SYNPO: variants seen among roughly 807,000 people sequenced by gnomAD.
SYNPO encodes the protein synaptopodin.
Under a neutral mutation model 49.5 loss-of-function variants are expected in SYNPO, and 19 were observed. That is an observed-to-expected ratio of 0.38 (90% CI 0.27 to 0.56). The LOEUF (loss-of-function observed/expected upper bound fraction) is 0.56, where lower values mean the gene tolerates loss of function less well. SYNPO is among the 20% of genes least tolerant of loss of function. The pLI is 0.68. For missense variants in SYNPO, 1,131 were observed against 1,248.3 expected, an observed-to-expected ratio of 0.91 and a Z score of 1.42; for synonymous variants, 536 against 548.0, an observed-to-expected ratio of 0.98 and a Z score of 0.31.
the SYNPO span, among the ~76,000 whole-genome samples, chr5:150,590,464 G>T: frequency 6.6e-6 from 1 of 152,212 alleles, no homozygotes; most frequent in African/African-American, 2.4e-5. Flanking sequence ...GTGATCAGAC[G>T]CTGGGTGAGA....
rs1228061581 is a variant in SYNPO at position 150,648,464 on chromosome 5, C to T, written c.189C>T (p.His63=). The part of the protein sequence containing the change: ...SSPAPPPAEV[H]SPAADVNQNL... Reference sequence around the variant, plus strand: ...CGGCCCCACCTCCAGCTGAGGTCCACAGCCCAGCTGCAGATGTCAACCAAA... The same window carrying T: ...CGGCCCCACCTCCAGCTGAGGTCCATAGCCCAGCTGCAGATGTCAACCAAA... The change falls in exon 2 of 3, where the codon CAC becomes CAT. Residue 63 remains histidine (H), a synonymous_variant. Coordinates refer to ENST00000307662, the MANE Select transcript of SYNPO (RefSeq NM_007286.6). This position sits in a 1 kb window ranked among gnomAD's most constrained non-coding sequence, Gnocchi z 5.0. The T allele has an allele frequency of 6.2e-7, 1 of 1,614,100 alleles. No homozygotes were observed. Among genetic ancestry groups the T allele is most frequent in the Non-Finnish European group, 8.5e-7 (1 of 1,180,048 alleles).
At chr5:150,638,762 C>A (rs1757798864), upstream of SYNPO, among the ~76,000 whole-genome samples, 1 of 152,186 alleles carries the variant, frequency 6.6e-6, no homozygotes, top group South Asian at 2.1e-4. Flanking sequence ...TTAGGGGAAA[C>A]CACCTCTTTC....
upstream of SYNPO, among the ~76,000 whole-genome samples, chr5:150,597,526 G>T (rs979619907): frequency 3.9e-5 from 6 of 151,986 alleles, no homozygotes; most frequent in Non-Finnish European, 8.8e-5. Flanking sequence ...TAGAGACAAG[G>T]TTTCTCCATG....
the SYNPO span, among the ~76,000 whole-genome samples, chr5:150,586,489 G>GTTTGA: frequency 3.3e-5 from 5 of 152,246 alleles, no homozygotes; most frequent in South Asian, 1.0e-3. Flanking sequence ...CTCCAGAATA[G>GTTTGA]CACTTCAAAA....
chr5:150,604,169 GCAAA>G (rs1364221018), intron 1 of SYNPO, among the ~76,000 whole-genome samples: 2 of 152,228 alleles, frequency 1.3e-5, no homozygotes, highest in Non-Finnish European at 2.9e-5. Context: ...AAGGCCAAGG[GCAAA>G]CAGAGATCTG....
intron 1 of SYNPO, among the ~76,000 whole-genome samples, chr5:150,609,783 T>TGGG (rs1756793926): frequency 2.3e-5 from 1 of 44,310 alleles, no homozygotes; most frequent in African/African-American, 7.3e-5. Context: ...ACTGTGAATG[T>TGGG]GGCGGGGGGG....
At chr5:150,632,040 C>A (rs554173424) in intron 2 of SYNPO, among the ~76,000 whole-genome samples, 1 of 152,356 alleles carries the variant, frequency 6.6e-6, no homozygotes, top group African/African-American at 2.4e-5. Flanking sequence ...AACCCCCAGC[C>A]AACCCTGGAG....
At chr5:150,637,506 A>T (rs969216471), upstream of SYNPO, among the ~76,000 whole-genome samples, 1 of 152,206 alleles carries the variant, frequency 6.6e-6, no homozygotes, top group Non-Finnish European at 1.5e-5. Context: ...GAGTTTGCAC[A>T]CGGTGACCAC....
At position 150,656,916 on chromosome 5, in the gene SYNPO, G is replaced by A. The variant is rs1298248361; in HGVS notation, c.2541G>A (p.Arg847=). The change falls in exon 3 of 3, where the codon AGG becomes AGA. Residue 847 remains arginine (R), a synonymous_variant. Coordinates refer to ENST00000307662, the MANE Select transcript of SYNPO (RefSeq NM_007286.6). ...SPRSPLPAPP[R]PFLYRRSPTD... is the part of the protein sequence containing the mutation. ...GGAGCCCGCTGCCCGCGCCTCCCAG[G>A]CCCTTCCTCTACCGCCGCTCGCCCA... The A allele has an allele frequency of 6.3e-7, 1 of 1,578,522 alleles. No individual in the cohort carries two copies. Among genetic ancestry groups the A allele is most frequent in the South Asian group, 1.2e-5 (1 of 86,276 alleles).
At chr5:150,598,122 C>G (rs77155091), upstream of SYNPO, among the ~76,000 whole-genome samples, 220 of 152,178 alleles carry the variant, frequency 1.4e-3, no homozygotes, top group African/African-American at 5.1e-3. Context: ...GGGTAGGGCT[C>G]GCCAGACCGA....
At chr5:150,632,366 A>T (rs955666100) in intron 2 of SYNPO, among the ~76,000 whole-genome samples, 3 of 152,200 alleles carry the variant, frequency 2.0e-5, no homozygotes, top group Admixed American at 2.0e-4. Context: ...AGTTATTTTT[A>T]AACTTAAGAT....
chr5:150,639,466 G>A (rs1042730011), upstream of SYNPO, among the ~76,000 whole-genome samples: 9 of 152,182 alleles, frequency 5.9e-5, no homozygotes, highest in African/African-American at 9.6e-5. Context: ...AGAAGTGGCC[G>A]TTGGGCTGGG....
In SYNPO at chr5:150,649,574, G is replaced by A. The variant is rs780014240; in HGVS notation, c.1299G>A (p.Glu433=). Residue 433 remains glutamate (E), a synonymous_variant, in exon 2 of 3, where the codon GAG becomes GAA. Coordinates refer to ENST00000307662, the MANE Select transcript of SYNPO (RefSeq NM_007286.6). ...CCGAGGCCTCCAACTTCCAGCAGGA[G>A]CCAGCACCTCGTGACAGGGCCAGCC... The part of the protein sequence containing the change: ...LGAEASNFQQ[E]PAPRDRASPA... 2.5e-6 allele frequency: 4 copies of A among 1,610,446 alleles called. No individual in the cohort carries two copies. The South Asian group carries it at 4.4e-5, about 18-fold the overall frequency.
intron 1 of SYNPO, among the ~76,000 whole-genome samples, chr5:150,617,381 C>T (rs1186542830): frequency 6.6e-6 from 1 of 152,100 alleles, no homozygotes; most frequent in Non-Finnish European, 1.5e-5. Flanking sequence ...CTGCAACCTC[C>T]ACCTCCTGGA....
upstream of SYNPO, among the ~76,000 whole-genome samples, chr5:150,599,781 C>T (rs992993666): frequency 6.6e-6 from 1 of 152,166 alleles, no homozygotes; most frequent in Non-Finnish European, 1.5e-5. Context: ...GGGACTCAAT[C>T]AATATCATCA....
At chr5:150,642,388 CAA>C (rs1757940489) in intron 1 of SYNPO, among the ~76,000 whole-genome samples, 1 of 152,206 alleles carries the variant, frequency 6.6e-6, no homozygotes, top group Non-Finnish European at 1.5e-5. Context: ...GCTAGCACCC[CAA>C]CTTGGCCCTG....
At chr5:150,591,781 T>C in the SYNPO span, among the ~76,000 whole-genome samples, 133 of 152,300 alleles carry the variant, frequency 8.7e-4, 3 homozygotes, top group Admixed American at 6.4e-3. Context: ...ACTTGTTCTC[T>C]CTCTCTCTGA....
At chr5:150,605,890 C>T (rs529805317) in intron 1 of SYNPO, among the ~76,000 whole-genome samples, 1 of 152,096 alleles carries the variant, frequency 6.6e-6, no homozygotes, top group South Asian at 2.1e-4. Context: ...GACAGATATA[C>T]ATAGACACAC....
upstream of SYNPO, among the ~76,000 whole-genome samples, chr5:150,638,354 C>G (rs1019356242): frequency 5.3e-5 from 8 of 152,214 alleles, no homozygotes; most frequent in African/African-American, 1.9e-4. Flanking sequence ...AAACGTGTTG[C>G]TCTCTCCTTC....
Sources: gnomAD v4.1 joint callset for allele counts (sites outside exome capture counted in the v4.1 genomes callset) on GRCh38, gnomAD v4.1.1 for gene constraint, Gnocchi (gnomAD v3.1) non-coding constraint, MANE v1.5 for transcripts, NCBI Gene and HGNC (gene_info 2026-07-23, HGNC 2026-07-21) for gene names.